Variants in TMEM108 observed in about 807,000 individuals in gnomAD.
TMEM108 encodes transmembrane protein 108.
Under a neutral mutation model 35.1 loss-of-function variants are expected in TMEM108, and 12 were observed. The ratio of observed to expected loss-of-function variants is 0.34; its 90% CI spans 0.22 to 0.55. The LOEUF is 0.55. Among genes scored for constraint, TMEM108 ranks in the 20% least tolerant of loss-of-function variants. TMEM108 has a pLI of 0.89. For synonymous variants in TMEM108, 287 were observed against 308.6 expected, an observed-to-expected ratio of 0.93 and a Z score of 0.73; for missense variants, 680 against 753.3, an observed-to-expected ratio of 0.90 and a Z score of 1.14.
At chr3:133,372,274 G>A (rs1175016525) in intron 3 of TMEM108, among the ~76,000 whole-genome samples, 1 of 152,186 alleles carries the variant, frequency 6.6e-6, no homozygotes. Flanking sequence ...TTCTTGGGCA[G>A]TCAGGATCAG....
intron 2 of TMEM108, among the ~76,000 whole-genome samples, chr3:133,160,791 G>A (rs1452785975): frequency 2.0e-5 from 3 of 152,238 alleles, no homozygotes; most frequent in South Asian, 2.1e-4. Context: ...CTGGTATCTG[G>A]GTCAGTCCAG....
chr3:133,251,648 G>A (rs1425679026), intron 3 of TMEM108, among the ~76,000 whole-genome samples: 1 of 152,102 alleles, frequency 6.6e-6, no homozygotes, highest in Non-Finnish European at 1.5e-5. Flanking sequence ...AGAGATATTG[G>A]ATAGGTATCC....
At chr3:133,069,840 A>G (rs1397453257) in intron 2 of TMEM108, among the ~76,000 whole-genome samples, 1 of 152,198 alleles carries the variant, frequency 6.6e-6, no homozygotes, top group Non-Finnish European at 1.5e-5. Context: ...AGGAATGTGT[A>G]CATTGTTCAG....
At chr3:133,364,374 G>A (rs1187750741) in intron 3 of TMEM108, among the ~76,000 whole-genome samples, 1 of 152,244 alleles carries the variant, frequency 6.6e-6, no homozygotes, top group Non-Finnish European at 1.5e-5. Flanking sequence ...TTAAATGAGT[G>A]AGAAGAAGGT....
intron 3 of TMEM108, among the ~76,000 whole-genome samples, chr3:133,303,018 T>C (rs1046012718): frequency 6.6e-6 from 1 of 152,160 alleles, no homozygotes; most frequent in Non-Finnish European, 1.5e-5. Flanking sequence ...CTTAAACCCA[T>C]CTACTGGTAA....
At chr3:133,059,703 C>G (rs1337361415) in intron 2 of TMEM108, among the ~76,000 whole-genome samples, 1 of 152,194 alleles carries the variant, frequency 6.6e-6, no homozygotes, top group African/African-American at 2.4e-5. Flanking sequence ...ACTCCTGTAA[C>G]TCAGATTATT....
intron 3 of TMEM108, among the ~76,000 whole-genome samples, chr3:133,243,404 T>TA (rs1946339181): frequency 6.6e-6 from 1 of 152,086 alleles, no homozygotes; most frequent in African/African-American, 2.4e-5. Context: ...ATAATTGAGC[T>TA]AAAAAATAAA....
chr3:133,122,414 A>G (rs893756410), intron 2 of TMEM108, among the ~76,000 whole-genome samples: 4 of 152,172 alleles, frequency 2.6e-5, no homozygotes, highest in African/African-American at 7.2e-5. Context: ...AGAGCTGTGG[A>G]TGGTTTTAAA....
chr3:133,389,891 T>C (rs969290188), intron 4 of TMEM108, among the ~76,000 whole-genome samples: 3 of 150,008 alleles, frequency 2.0e-5, no homozygotes, highest in African/African-American at 7.4e-5. Flanking sequence ...ACGTAAGTCC[T>C]ATATAACTAT....
rs371435068 is a variant in TMEM108, at chr3:133,381,079, G to A, written c.1368G>A (p.Pro456=). ...NISHVAEGDK[P]QHRATICLSK... ...CCCATGTGGCCGAGGGGGACAAACC[G>A]CAGCACAGAGCCACCATCTGCCTGA... Residue 456 remains proline, a synonymous_variant, in exon 4 of 6, where the codon CCG becomes CCA. Coordinates refer to ENST00000321871, the MANE Select transcript of TMEM108 (RefSeq NM_023943.4). The A allele has an allele frequency of 1.1e-4, 175 of 1,614,156 alleles. No individual in the cohort carries two copies. The African/African-American group carries it at 1.5e-3, about 14-fold the overall frequency.
chr3:133,098,287 T>C (rs763477916), intron 2 of TMEM108, among the ~76,000 whole-genome samples: 1 of 152,170 alleles, frequency 6.6e-6, no homozygotes. Context: ...GTGAGACTTA[T>C]TCACTGTCAT....
chr3:133,122,194 G>A (rs1219282697), intron 2 of TMEM108, among the ~76,000 whole-genome samples: 1 of 151,932 alleles, frequency 6.6e-6, no homozygotes, highest in Non-Finnish European at 1.5e-5. Flanking sequence ...GATGACTCAA[G>A]CATTAGGAAT....
intron 2 of TMEM108, among the ~76,000 whole-genome samples, chr3:133,203,472 A>G (rs1290442868): frequency 6.6e-6 from 1 of 152,118 alleles, no homozygotes; most frequent in African/African-American, 2.4e-5. Context: ...CGTTCCATTA[A>G]TTCCTAGTTT....
intron 2 of TMEM108, among the ~76,000 whole-genome samples, chr3:133,121,922 T>C (rs1944357775): frequency 6.6e-6 from 1 of 152,206 alleles, no homozygotes; most frequent in African/African-American, 2.4e-5. Context: ...AAAAATATTA[T>C]ACCATGGTTT....
chr3:133,114,469 C>T (rs1944263886), intron 2 of TMEM108, among the ~76,000 whole-genome samples: 1 of 152,092 alleles, frequency 6.6e-6, no homozygotes, highest in South Asian at 2.1e-4. Context: ...GAATTCCCAA[C>T]TGTTCTTTTA....
At chr3:133,270,819 A>T (rs6799120) in intron 3 of TMEM108, among the ~76,000 whole-genome samples, 15 of 137,356 alleles carry the variant, frequency 1.1e-4, no homozygotes, top group African/African-American at 3.0e-4. Context: ...ACACACACAC[A>T]CTCACACACT....
intron 2 of TMEM108, among the ~76,000 whole-genome samples, chr3:133,061,091 A>T (rs776924588): frequency 3.3e-5 from 5 of 152,012 alleles, no homozygotes; most frequent in Admixed American, 6.6e-5. Context: ...AAATGTATGG[A>T]TGTATATGAA....
intron 2 of TMEM108, among the ~76,000 whole-genome samples, chr3:133,136,197 T>C (rs1367499267): frequency 6.6e-6 from 1 of 152,214 alleles, no homozygotes; most frequent in East Asian, 1.9e-4. Flanking sequence ...TTTTGCAAAA[T>C]TATTGCTTCT....
intron 3 of TMEM108, among the ~76,000 whole-genome samples, chr3:133,235,131 T>C (rs535692342): frequency 9.9e-5 from 15 of 152,282 alleles, no homozygotes; most frequent in African/African-American, 3.4e-4. Context: ...GAACATTCCA[T>C]GTTCATGGAT....
Sources: gnomAD v4.1 joint callset for allele counts (sites outside exome capture counted in the v4.1 genomes callset) on GRCh38, gnomAD v4.1.1 for gene constraint, MANE v1.5 for transcripts, NCBI Gene and HGNC (gene_info 2026-07-23, HGNC 2026-07-21) for gene names.